Variants in DAAM1 observed in about 807,000 individuals in gnomAD.
DAAM1 encodes disheveled-associated activator of morphogenesis 1.
A neutral mutation model predicts 130.0 loss-of-function variants in DAAM1; 52 were observed. The ratio of observed to expected loss-of-function variants is 0.40; its 90% CI spans 0.32 to 0.50. DAAM1 has a LOEUF of 0.50. DAAM1 is among the 20% of genes least tolerant of loss of function. DAAM1 has a pLI of 0.61. For synonymous variants in DAAM1, 452 were observed against 444.5 expected (o/e 1.02, Z -0.21); for missense variants, 1,134 against 1,303.8 (o/e 0.87, Z 2.01).
intron 2 of DAAM1, among the ~76,000 whole-genome samples, chr14:59,281,217 G>A (rs532040583): frequency 1.3e-5 from 2 of 152,212 alleles, no homozygotes; most frequent in South Asian, 2.1e-4. Context: ...AAAGTATGCC[G>A]GCTTGGCCAC....
At chr14:59,288,139 T>G (rs1374120693) in intron 2 of DAAM1, among the ~76,000 whole-genome samples, 4 of 152,172 alleles carry the variant, frequency 2.6e-5, no homozygotes, top group Non-Finnish European at 5.9e-5. Flanking sequence ...CCACCTGATC[T>G]CTAACAAAGT....
At chr14:59,255,948 A>T (rs931551621) in intron 1 of DAAM1, among the ~76,000 whole-genome samples, 2 of 152,206 alleles carry the variant, frequency 1.3e-5, no homozygotes, top group Admixed American at 6.5e-5. Context: ...GGTGGCTCTC[A>T]GGAACTAATT....
intron 1 of DAAM1, among the ~76,000 whole-genome samples, chr14:59,227,925 G>T (rs2757117): frequency 6.6e-6 from 1 of 151,966 alleles, no homozygotes; most frequent in Non-Finnish European, 1.5e-5. Context: ...ATTGCTACCA[G>T]TTTGTATCTC....
At chr14:59,249,637 A>C (rs1881544223) in intron 1 of DAAM1, among the ~76,000 whole-genome samples, 1 of 152,194 alleles carries the variant, frequency 6.6e-6, no homozygotes, top group Non-Finnish European at 1.5e-5. Context: ...CTTCATTCTC[A>C]TTCTCAAGAC....
chr14:59,225,987 G>A (rs1221839016), intron 1 of DAAM1, among the ~76,000 whole-genome samples: 1 of 152,100 alleles, frequency 6.6e-6, no homozygotes, highest in Admixed American at 6.5e-5. Context: ...CGACATTGGG[G>A]CAACTAAGAA....
rs565077290 is a variant in DAAM1 at position 59,363,394 on chromosome 14, AAG to A, written c.2695-253_2695-252del. On this transcript the variant is annotated intron_variant, in intron 22 of 24. Transcript: ENST00000360909. ...AATCTGCTTGCTTTCTAAAGCCTGA[AAG>A]AGAAATCACATAGATCAAGTACTTA... 1,661 of 329,770 alleles carry A rather than the reference AAG, an allele frequency of 5.0e-3. 13 individuals are homozygous for A. Among genetic ancestry groups the A allele is most frequent in the Non-Finnish European group, 5.6e-3 (1,015 of 179,980 alleles). The allele number at this position is 329,770 out of a possible 1,614,324, so 20.4% of individuals were successfully genotyped here.
In DAAM1 at chr14:59,359,627, A is replaced by G. The variant is rs1218901788; in HGVS notation, c.2633+123A>G. The G allele has an allele frequency of 5.9e-6, 4 of 682,744 alleles. No individual in the cohort carries two copies. In the African/African-American group the frequency reaches 7.2e-5, roughly 12 times the overall value. The allele number at this position is 682,744 out of a possible 1,614,324, so 42.3% of individuals were successfully genotyped here. ...TTTTCCCCTGATCATTGTATGAAAT[A>G]AAGTTTGAATCTCATCCAAGTCACT... On this transcript the variant is annotated intron_variant, in intron 21 of 24. Transcript: ENST00000360909.
chr14:59,239,343 T>C (rs1317033886), intron 1 of DAAM1, among the ~76,000 whole-genome samples: 1 of 152,106 alleles, frequency 6.6e-6, no homozygotes, highest in Non-Finnish European at 1.5e-5. Context: ...ACCCAAATCT[T>C]GCAAAAAATG....
chr14:59,192,070 T>TA (rs935927094), intron 1 of DAAM1, among the ~76,000 whole-genome samples: 3 of 151,786 alleles, frequency 2.0e-5, no homozygotes, highest in African/African-American at 7.3e-5. Flanking sequence ...GGGTGGTGCT[T>TA]ACAGGAGCTC....
In DAAM1 at chr14:59,227,360, AGACT is replaced by A. The variant is rs200022219; in HGVS notation, c.-37-36076_-37-36073del. On this transcript the variant is annotated intron_variant, in intron 1 of 24. Coordinates refer to ENST00000360909, the MANE Select transcript of DAAM1 (RefSeq NM_001270520.2). ...GGAAAAGTCTCTGGTTCCCCATTAC[AGACT>A]GACTATGTAGGTCACCTTCTTGTTA... is the stretch of plus-strand genomic sequence containing the variant. Among the ~76,000 whole-genome samples, 27 of 152,296 alleles carry A rather than the reference AGACT, an allele frequency of 1.8e-4. 1 individual carries two copies. In the East Asian group the frequency reaches 4.8e-3, roughly 27 times the overall value.
intron 3 of DAAM1, among the ~76,000 whole-genome samples, chr14:59,298,060 T>A (rs1884026721): frequency 6.6e-6 from 1 of 152,206 alleles, no homozygotes; most frequent in African/African-American, 2.4e-5. Context: ...TTCTCCCTCT[T>A]ACCTTAAAAT....
chr14:59,363,149 T>C (rs1404822799), intron 22 of DAAM1: 2 of 157,880 alleles, frequency 1.3e-5, no homozygotes, highest in Non-Finnish European at 2.8e-5. Context: ...AGAAAAATGG[T>C]ACATTATGGT....
chr14:59,245,220 C>T (rs571707372), intron 1 of DAAM1, among the ~76,000 whole-genome samples: 2 of 152,260 alleles, frequency 1.3e-5, no homozygotes, highest in African/African-American at 4.8e-5. Context: ...GTCATACCAC[C>T]TCTTATTTTG....
At chr14:59,270,343 A>G (rs1485287086) in intron 2 of DAAM1, among the ~76,000 whole-genome samples, 2 of 152,228 alleles carry the variant, frequency 1.3e-5, no homozygotes, top group African/African-American at 2.4e-5. Context: ...AAAAGTCTGC[A>G]TGTGCAGAGA....
chr14:59,190,208 T>G (rs1011775011), intron 1 of DAAM1, among the ~76,000 whole-genome samples: 1 of 152,088 alleles, frequency 6.6e-6, no homozygotes, highest in African/African-American at 2.4e-5. Context: ...CTTTCTCTCC[T>G]AAATAGCTTG....
chr14:59,251,669 A>G (rs986493537), intron 1 of DAAM1, among the ~76,000 whole-genome samples: 5 of 152,206 alleles, frequency 3.3e-5, no homozygotes, highest in Non-Finnish European at 4.4e-5. Context: ...ACAGCACCTG[A>G]AACAGGACAG....
intron 3 of DAAM1, chr14:59,299,900 C>G (rs1177500065): frequency 6.6e-6 from 1 of 152,134 alleles, no homozygotes; most frequent in East Asian, 1.9e-4. Context: ...GCCACGTGCC[C>G]TCCACAGTGC....
chr14:59,325,391 T>C (rs1458419876), intron 8 of DAAM1, among the ~76,000 whole-genome samples: 2 of 152,210 alleles, frequency 1.3e-5, no homozygotes, highest in Non-Finnish European at 2.9e-5. Context: ...CTGAACTTGA[T>C]TGTTTTTAGA....
At chr14:59,255,575 A>T (rs183044144) in intron 1 of DAAM1, among the ~76,000 whole-genome samples, 6 of 152,342 alleles carry the variant, frequency 3.9e-5, no homozygotes, top group Admixed American at 3.9e-4. Flanking sequence ...CAAATTACAC[A>T]TCAGAGCCCT....
Sources: allele counts gnomAD v4.1 joint callset (sites outside exome capture counted in the v4.1 genomes callset), GRCh38; gene constraint gnomAD v4.1.1; transcripts MANE v1.5; gene names NCBI Gene and HGNC (gene_info 2026-07-23, HGNC 2026-07-21).